Variants in FCGRT observed in about 807,000 individuals in gnomAD.
The protein encoded by FCGRT is Fc gamma receptor and transporter, also known as IgG receptor FcRn large subunit p51.
A neutral mutation model predicts 35.7 loss-of-function variants in FCGRT; 13 were observed. That is an observed-to-expected ratio of 0.36 (90% CI 0.24 to 0.58). The LOEUF is 0.58. FCGRT is among the 20% of genes least tolerant of loss of function. The pLI is 0.77. For missense variants in FCGRT, 455 were observed against 474.9 expected, an observed-to-expected ratio of 0.96 and a Z score of 0.39; for synonymous variants, 233 against 216.5, an observed-to-expected ratio of 1.08 and a Z score of -0.67.
Position 49,514,353 on chromosome 19 carries a change from G to A in FCGRT, c.468G>A (p.Glu156=), listed in dbSNP as rs1324353807. 1 of 1,613,474 alleles carries A rather than the reference G, an allele frequency of 6.2e-7. No individual in the cohort carries two copies. Among genetic ancestry groups the A allele is most frequent in the Non-Finnish European group, 8.5e-7 (1 of 1,179,716 alleles). Residue 156 remains glutamate (E), a synonymous_variant, in exon 4 of 7, where the codon GAG becomes GAA. Coordinates refer to ENST00000221466, the MANE Select transcript of FCGRT (RefSeq NM_001136019.3). The part of the protein sequence containing the change: ...KQGTWGGDWP[E]ALAISQRWQQ... ...GCACCTGGGGTGGGGACTGGCCCGA[G>A]GCCCTGGCTATCAGTCAGCGGTGGC...
At chr19:49,525,660 G>A in intron 6 of FCGRT, 87 bp downstream of exon 6, 1 of 782,120 alleles carries the variant, frequency 1.3e-6, no homozygotes, top group Non-Finnish European at 2.1e-6. Context: ...CAGAGACCCA[G>A]AGAGGGGGGA....
intron 4 of FCGRT, among the ~76,000 whole-genome samples, chr19:49,522,054 A>G (rs2080044214): frequency 6.6e-6 from 1 of 150,926 alleles, no homozygotes; most frequent in South Asian, 2.1e-4. Flanking sequence ...CAATTTATAC[A>G]TTTTATAAAG....
chr19:49,525,433 T>C lies in FCGRT; in HGVS notation c.872-24T>C, dbSNP rs2080068534. ...GGTGGGGTGGAGGGGCTGCTCCACATCTCACAGCGTTCTCTGGCTGCAGAA... is the reference window on the plus strand; with the variant it reads ...GGTGGGGTGGAGGGGCTGCTCCACACCTCACAGCGTTCTCTGGCTGCAGAA... On this transcript the variant is annotated intron_variant, in intron 5 of 6. Transcript: ENST00000221466. 1.9e-6 allele frequency: 3 copies of C among 1,575,958 alleles called. No individual in the cohort carries two copies. In the African/African-American group the frequency reaches 4.0e-5, roughly 21 times the overall value.
intron 2 of FCGRT, 51 bp downstream of exon 2, chr19:49,513,524 G>A (rs2079986233): frequency 8.9e-7 from 1 of 1,125,454 alleles, no homozygotes; most frequent in East Asian, 3.2e-5. Context: ...GGCGGGAGGC[G>A]GCCCCAGGCA....
chr19:49,515,777 C>T (rs1192086088), intron 4 of FCGRT, among the ~76,000 whole-genome samples: 3 of 152,268 alleles, frequency 2.0e-5, no homozygotes, highest in South Asian at 2.1e-4. Flanking sequence ...CTTGTCTCTA[C>T]GCAGCCATCA....
rs2079991186 is a variant in FCGRT, at chr19:49,514,103, C to G, written c.295C>G (p.Leu99Val). Residue 99 changes from leucine to valine, a missense_variant, in exon 3 of 7, where the codon CTG (leucine) becomes GTG (valine). Leu to Val is a conservative substitution (Grantham distance 32, BLOSUM62 1). This residue lies in a region of FCGRT where 136 missense variants were observed against 158.9 expected (regional missense o/e 0.86). Coordinates refer to ENST00000221466, the MANE Select transcript of FCGRT (RefSeq NM_001136019.3). The part of the protein sequence containing the change: ...TDLRIKEKLF[L>V]EAFKALGGKG... Reference sequence around the variant, plus strand: ...TCTGAGGATCAAGGAGAAGCTCTTTCTGGAAGCTTTCAAAGCTTTGGGGGG... The same window carrying G: ...TCTGAGGATCAAGGAGAAGCTCTTTGTGGAAGCTTTCAAAGCTTTGGGGGG... 4 of 1,612,374 alleles carry G rather than the reference C, an allele frequency of 2.5e-6. No homozygotes were observed. In the East Asian group the frequency reaches 8.9e-5, roughly 36 times the overall value.
At chr19:49,517,399 G>A (rs1396696060) in intron 4 of FCGRT, among the ~76,000 whole-genome samples, 1 of 151,802 alleles carries the variant, frequency 6.6e-6, no homozygotes, top group Non-Finnish European at 1.5e-5. Context: ...GCTGAGGCAG[G>A]AGAATCACTT....
rs1026363181 is a variant in FCGRT at position 49,525,074 on chromosome 19, C to T, written c.871+298C>T. The T allele has an allele frequency of 1.1e-5, 6 of 565,068 alleles. No homozygotes were observed. In the East Asian group the frequency reaches 1.1e-4, roughly 10 times the overall value. The allele number at this position is 565,068 out of a possible 1,614,324, so 35.0% of individuals were successfully genotyped here. A position where few individuals can be genotyped will look rare whatever the true frequency, so the allele number is the denominator to read the frequency against. ...CCTGCTGCTGCTGCTGCTGCTGCTG[C>T]GGGTCTTCCTGGAATCTGACCATTC... is the stretch of plus-strand genomic sequence containing the variant. On this transcript the variant is annotated intron_variant, in intron 5 of 6. Coordinates refer to ENST00000221466, the MANE Select transcript of FCGRT (RefSeq NM_001136019.3).
At chr19:49,523,424 G>A (rs1412266436) in intron 4 of FCGRT, among the ~76,000 whole-genome samples, 1 of 151,836 alleles carries the variant, frequency 6.6e-6, no homozygotes, top group East Asian at 1.9e-4. Flanking sequence ...AAAATTACCC[G>A]GCATGGTGGT....
intron 2 of FCGRT, 101 bp from the exon 3 acceptor site, chr19:49,513,781 C>G: frequency 2.5e-6 from 2 of 800,320 alleles, no homozygotes; most frequent in East Asian, 8.9e-5. Context: ...GAATCTGTCC[C>G]CCTCCCTCCA....
intron 1 of FCGRT, chr19:49,513,090 G>C (rs1601185240): frequency 4.7e-6 from 1 of 213,540 alleles, no homozygotes. Flanking sequence ...AAGAGCGGTT[G>C]GGGGCCTGGA....
chr19:49,516,134 A>G (rs1277234069), intron 4 of FCGRT: 1 of 452,992 alleles, frequency 2.2e-6, no homozygotes, highest in Admixed American at 2.4e-5. Context: ...AAAGATAGAT[A>G]CCAGCTGGGG....
intron 4 of FCGRT, among the ~76,000 whole-genome samples, chr19:49,523,642 T>C (rs1346021514): frequency 1.3e-5 from 2 of 151,756 alleles, no homozygotes; most frequent in Non-Finnish European, 2.9e-5. Flanking sequence ...GGATGGATCA[T>C]GAGGTCAGGA....
At position 49,524,643 on chromosome 19, in the gene FCGRT, G is replaced by C. The variant is rs772852184; in HGVS notation, c.738G>C (p.Gln246His). The C allele has an allele frequency of 6.2e-7, 1 of 1,608,086 alleles. No individual in the cohort carries two copies. Among genetic ancestry groups the C allele is most frequent in the African/African-American group, 1.3e-5 (1 of 75,064 alleles). Residue 246 changes from glutamine to histidine, a missense_variant, in exon 5 of 7, where the codon CAG (glutamine) becomes CAC (histidine). Physicochemically the swap from Gln to His is conservative, Grantham distance 24. This residue lies in a region of FCGRT where 312 missense variants were observed against 296.1 expected (regional missense o/e 1.05). Coordinates refer to ENST00000221466, the MANE Select transcript of FCGRT (RefSeq NM_001136019.3). ...ATGGGCTGGCCGCTGGCACCGGCCA[G>C]GGTGACTTCGGCCCCAACAGTGACG... ...LRNGLAAGTG[Q>H]GDFGPNSDGS...
At chr19:49,516,549 C>T (rs959115517) in intron 4 of FCGRT, among the ~76,000 whole-genome samples, 16 of 141,856 alleles carry the variant, frequency 1.1e-4, no homozygotes, top group Admixed American at 1.1e-3. Context: ...CTGCTCCTGG[C>T]CTTTGTTGTT....
In FCGRT at chr19:49,513,005, GT is replaced by G. The variant is rs1423860369; in HGVS notation, c.-15+256del. The G allele has an allele frequency of 2.4e-3, 344 of 141,638 alleles. 23 individuals carry two copies. The highest frequency in any genetic ancestry group is 9.7e-3 in the African/African-American group (314 of 32,380). The allele number at this position is 141,638 out of a possible 1,614,324, so 8.8% of individuals were successfully genotyped here. On this transcript the variant is annotated intron_variant, in intron 1 of 6. Transcript: ENST00000221466. ...GGGGCCCGGACTCCTGGGTCCGAGGGTAGAGCGGTTGGGGGCCCGGACTCCT... is the reference window on the plus strand; with the variant it reads ...GGGGCCCGGACTCCTGGGTCCGAGGGAGAGCGGTTGGGGGCCCGGACTCCT...
intron 3 of FCGRT, 25 bp from the exon 4 acceptor site, chr19:49,514,186 G>A (rs769818363): frequency 2.2e-5 from 36 of 1,608,666 alleles, no homozygotes; most frequent in South Asian, 1.8e-4. Flanking sequence ...CCGGGGCCCC[G>A]CTTACCTGTG....
chr19:49,524,524 C>G lies in FCGRT; in HGVS notation c.619C>G (p.Leu207Val), dbSNP rs141886822. The G allele has an allele frequency of 4.2e-5, 68 of 1,608,822 alleles. No individual in the cohort carries two copies. The Admixed American group carries it at 1.1e-3, about 26-fold the overall frequency. The change falls in exon 5 of 7, where the codon CTG (leucine) becomes GTG (valine). Residue 207 changes from leucine to valine, a missense_variant. By Grantham distance (32) the Leu-to-Val change is conservative. Coordinates refer to ENST00000221466, the MANE Select transcript of FCGRT (RefSeq NM_001136019.3). The stretch of plus-strand genomic sequence containing the variant: ...TCCTGCAGAGCCCCCCTCCATGCGC[C>G]TGAAGGCCCGACCCAGCAGCCCTGG... Reference protein sequence around the residue: ...LEWKEPPSMRLKARPSSPGFS... With the variant: ...LEWKEPPSMRVKARPSSPGFS...
At position 49,526,360 on chromosome 19, in the gene FCGRT, C is replaced by T. The variant is rs2080077662; in HGVS notation, c.*241C>T. The T allele has an allele frequency of 1.9e-6, 1 of 526,952 alleles. No homozygotes were observed. The highest frequency in any genetic ancestry group is 3.5e-5 in the Admixed American group (1 of 28,462). The allele number at this position is 526,952 out of a possible 1,614,324, so 32.6% of individuals were successfully genotyped here. The stretch of plus-strand genomic sequence containing the variant: ...CAGTGTGTTCTCATCATTTTTCAGG[C>T]AGGGGAGGTAAGGGAATAAGTCGGG... On this transcript the variant is annotated 3_prime_UTR_variant, in exon 7 of 7. Transcript: ENST00000221466.
Sources: allele counts gnomAD v4.1 joint callset (sites outside exome capture counted in the v4.1 genomes callset), GRCh38; gene constraint gnomAD v4.1.1; regional missense constraint gnomAD v4.1.1; transcripts MANE v1.5; gene names NCBI Gene and HGNC (gene_info 2026-07-23, HGNC 2026-07-21).